The following ARL15 variants were observed in gnomAD, a reference collection of about 807,000 sequenced individuals.
The protein encoded by ARL15 is ADP-ribosylation factor-like protein 15.
In ARL15, 19 loss-of-function variants were observed where a neutral mutation model predicts 25.2. The observed-to-expected ratio is 0.75, with a 90% CI of 0.53 to 1.10. ARL15 has a LOEUF of 1.10. Among genes scored for constraint, ARL15 ranks in the 50% least tolerant of loss-of-function variants. The pLI is 0.00. For missense variants in ARL15, 220 were observed against 246.0 expected (o/e 0.89, Z 0.71); for synonymous variants, 94 against 86.8 (o/e 1.08, Z -0.46).
At chr5:54,303,324 C>T (rs761100373) in intron 1 of ARL15, among the ~76,000 whole-genome samples, 1 of 152,084 alleles carries the variant, frequency 6.6e-6, no homozygotes, top group African/African-American at 2.4e-5. Flanking sequence ...GAGATTGAGA[C>T]CAGCCTGGGC....
chr5:54,302,384 A>G (rs1227777691), intron 1 of ARL15, among the ~76,000 whole-genome samples: 1 of 152,114 alleles, frequency 6.6e-6, no homozygotes, highest in Admixed American at 6.6e-5. Flanking sequence ...TCAGAGTCTC[A>G]AGTTTCCTCT....
In ARL15 at chr5:53,884,651, C is replaced by G. The variant is rs1744460009; in HGVS notation, c.*1910G>C. The G allele has an allele frequency of 6.6e-6, 1 of 151,834 alleles. No individual in the cohort carries two copies. The highest frequency in any genetic ancestry group is 2.4e-5 in the African/African-American group (1 of 41,262). The allele number at this position is 151,834 out of a possible 1,614,324, so 9.4% of individuals were successfully genotyped here. A position where few individuals can be genotyped will look rare whatever the true frequency, so the allele number is the denominator to read the frequency against. On this transcript the variant is annotated 3_prime_UTR_variant, in exon 5 of 5. Coordinates refer to ENST00000504924, the MANE Select transcript of ARL15 (RefSeq NM_019087.3). ...GACAGTCGTGGGTTTGAGGAGAGGC[C>G]CATCACTGGCGCACACATGAACACA...
At position 54,140,461 on chromosome 5, in the gene ARL15, T is replaced by TAGATAGATAGATAG. The variant is rs1554043185; in HGVS notation, c.253+14118_253+14119insCTATCTATCTATCT. 3.0e-3 allele frequency among the ~76,000 whole-genome samples: 368 copies of TAGATAGATAGATAG among 123,536 alleles called. 1 individual carries two copies. The highest frequency in any genetic ancestry group is 4.6e-3 in the Non-Finnish European group (246 of 53,826). 81.0% of individuals were successfully genotyped at this position (123,536 alleles called of 152,430 possible). A position where few individuals can be genotyped will look rare whatever the true frequency, so the allele number is the denominator to read the frequency against. Reference sequence around the variant, plus strand: ...ATAGATAGATAGATAGATAGATAGATAGATAGAGATAGAGATAGAGATATG... The same window carrying TAGATAGATAGATAG: ...ATAGATAGATAGATAGATAGATAGATAGATAGATAGATAGAGATAGAGATAGAGATAGAGATATG... On this transcript the variant is annotated intron_variant, in intron 3 of 4. Coordinates refer to ENST00000504924, the MANE Select transcript of ARL15 (RefSeq NM_019087.3).
intron 4 of ARL15, among the ~76,000 whole-genome samples, chr5:54,108,819 T>G (rs1752658284): frequency 1.3e-5 from 2 of 152,104 alleles, no homozygotes; most frequent in Admixed American, 1.3e-4. Flanking sequence ...TAGTTATAAT[T>G]AAATGTGATA....
intron 4 of ARL15, among the ~76,000 whole-genome samples, chr5:54,083,003 C>A (rs1751852531): frequency 6.6e-6 from 1 of 152,036 alleles, no homozygotes; most frequent in Admixed American, 6.5e-5. Flanking sequence ...TACGAATCTT[C>A]ATATTTTAGA....
At chr5:54,085,983 A>C (rs1203314416) in intron 4 of ARL15, among the ~76,000 whole-genome samples, 1 of 150,570 alleles carries the variant, frequency 6.6e-6, no homozygotes, top group African/African-American at 2.5e-5. Flanking sequence ...GGTGCTATCT[A>C]GGCTCACCGC....
intron 3 of ARL15, among the ~76,000 whole-genome samples, chr5:54,153,630 A>G (rs1450994849): frequency 6.6e-6 from 1 of 152,222 alleles, no homozygotes; most frequent in Non-Finnish European, 1.5e-5. Flanking sequence ...CTAAAAGTGA[A>G]TATGAAATTG....
chr5:54,304,252 C>T (rs1437223334), intron 1 of ARL15, among the ~76,000 whole-genome samples: 2 of 152,222 alleles, frequency 1.3e-5, no homozygotes, highest in Admixed American at 1.3e-4. Context: ...AAGCGCAGTT[C>T]AACTACTTGC....
intron 1 of ARL15, among the ~76,000 whole-genome samples, chr5:54,246,443 T>A (rs778970203): frequency 1.3e-5 from 2 of 152,052 alleles, no homozygotes; most frequent in African/African-American, 2.4e-5. Flanking sequence ...CACATGGACA[T>A]CCCATGGATG....
At chr5:54,036,893 T>G (rs1750185152) in intron 4 of ARL15, among the ~76,000 whole-genome samples, 1 of 152,092 alleles carries the variant, frequency 6.6e-6, no homozygotes, top group South Asian at 2.1e-4. Context: ...TCTTAATAAA[T>G]CCAAAGACAC....
chr5:54,210,345 A>C (rs966231247), intron 1 of ARL15, among the ~76,000 whole-genome samples: 5 of 152,194 alleles, frequency 3.3e-5, no homozygotes, highest in African/African-American at 1.2e-4. Flanking sequence ...AATGCCTATT[A>C]TCTATTTTAT....
At chr5:54,296,596 A>C (rs1045097204) in intron 1 of ARL15, among the ~76,000 whole-genome samples, 4 of 152,234 alleles carry the variant, frequency 2.6e-5, no homozygotes, top group Admixed American at 6.5e-5. Context: ...CTGTGCCACA[A>C]TGTGCTCTGT....
chr5:54,282,829 A>C (rs1352442052), intron 1 of ARL15, among the ~76,000 whole-genome samples: 1 of 152,182 alleles, frequency 6.6e-6, no homozygotes, highest in Non-Finnish European at 1.5e-5. Flanking sequence ...GAAGACTGAG[A>C]TCCTTGGTCT....
chr5:54,051,198 A>G (rs1750691687), intron 4 of ARL15, among the ~76,000 whole-genome samples: 1 of 152,192 alleles, frequency 6.6e-6, no homozygotes, highest in African/African-American at 2.4e-5. Context: ...ATCTTTAGCT[A>G]ACACTGTTGT....
At chr5:54,306,934 G>A (rs1306019076) in intron 1 of ARL15, among the ~76,000 whole-genome samples, 2 of 152,176 alleles carry the variant, frequency 1.3e-5, no homozygotes, top group Admixed American at 1.3e-4. Flanking sequence ...AGGAAAACTC[G>A]AGAAATGTGT....
rs575675566 is a variant in ARL15 at position 53,930,533 on chromosome 5, G to A, written c.463-43820C>T. On this transcript the variant is annotated intron_variant, in intron 4 of 4. Coordinates refer to ENST00000504924, the MANE Select transcript of ARL15 (RefSeq NM_019087.3). ...GACATCACTTCTCCTAGGTGTAAGA[G>A]ATATATTTGTTAGAAAGGAGGCAGA... Among the ~76,000 whole-genome samples, 4 of 152,284 alleles carry A rather than the reference G, an allele frequency of 2.6e-5. No homozygotes were observed. In the South Asian group the frequency reaches 8.3e-4, roughly 32 times the overall value.
chr5:53,896,872 T>G (rs1744890316), intron 4 of ARL15, among the ~76,000 whole-genome samples: 1 of 152,188 alleles, frequency 6.6e-6, no homozygotes. Flanking sequence ...AAAATAGTTG[T>G]GACAACTCTT....
At chr5:54,089,709 G>C (rs576779745) in intron 4 of ARL15, among the ~76,000 whole-genome samples, 2 of 151,960 alleles carry the variant, frequency 1.3e-5, no homozygotes, top group Non-Finnish European at 2.9e-5. Context: ...AGTCAATGTA[G>C]GTAGACAAGA....
At chr5:54,027,408 G>A (rs1238099093) in intron 4 of ARL15, among the ~76,000 whole-genome samples, 1 of 152,194 alleles carries the variant, frequency 6.6e-6, no homozygotes, top group Admixed American at 6.5e-5. Flanking sequence ...ATGAAATTCA[G>A]GTGTGATCCC....
Sources: gnomAD v4.1 joint callset for allele counts (sites outside exome capture counted in the v4.1 genomes callset) on GRCh38, gnomAD v4.1.1 for gene constraint, MANE v1.5 for transcripts, NCBI Gene and HGNC (gene_info 2026-07-23, HGNC 2026-07-21) for gene names.